CNTLN: variants seen among roughly 807,000 people sequenced by gnomAD.
The protein encoded by CNTLN is centlein, centrosomal protein.
In CNTLN, 212 loss-of-function variants were observed where a neutral mutation model predicts 180.0. The ratio of observed to expected loss-of-function variants is 1.18; its 90% CI spans 1.05 to 1.32. The LOEUF (loss-of-function observed/expected upper bound fraction) is 1.32, where lower values mean the gene tolerates loss of function less well. CNTLN is among the 40% of genes most tolerant of loss of function. The probability of loss-of-function intolerance (pLI) is 0.00; values close to 1 mark genes in which losing one functional copy is unlikely to be tolerated. For missense variants in CNTLN, 2,095 were observed against 1,610.9 expected, an observed-to-expected ratio of 1.30 and a Z score of -5.14; for synonymous variants, 722 against 563.1, an observed-to-expected ratio of 1.28 and a Z score of -3.99.
At chr9:17,465,642 G>C (rs775250160) in intron 21 of CNTLN, among the ~76,000 whole-genome samples, 2 of 150,460 alleles carry the variant, frequency 1.3e-5, no homozygotes, top group Non-Finnish European at 3.0e-5. Flanking sequence ...CCTTTAACTT[G>C]GCTTGTTTCA....
intron 2 of CNTLN, among the ~76,000 whole-genome samples, chr9:17,205,683 G>C (rs1822868988): frequency 6.6e-6 from 1 of 152,198 alleles, no homozygotes; most frequent in Non-Finnish European, 1.5e-5. Flanking sequence ...GTAGCAAATG[G>C]CCTTACTACT....
At chr9:17,354,171 G>A (rs113743173) in intron 12 of CNTLN, among the ~76,000 whole-genome samples, 14 of 152,284 alleles carry the variant, frequency 9.2e-5, no homozygotes, top group African/African-American at 3.4e-4. Context: ...GTGCCTTCCC[G>A]CCGGGCAGGG....
At chr9:17,171,365 G>A (rs774373998) in intron 2 of CNTLN, among the ~76,000 whole-genome samples, 11 of 151,938 alleles carry the variant, frequency 7.2e-5, no homozygotes, top group Non-Finnish European at 1.3e-4. Flanking sequence ...TGGATGAGGT[G>A]CCATGGTTCC....
At chr9:17,493,701 C>G (rs909323386) in intron 25 of CNTLN, among the ~76,000 whole-genome samples, 7 of 152,150 alleles carry the variant, frequency 4.6e-5, no homozygotes, top group African/African-American at 1.7e-4. Context: ...GTAATAAAAT[C>G]AAAACTCCAT....
At chr9:17,479,080 G>A (rs1007673065) in intron 23 of CNTLN, among the ~76,000 whole-genome samples, 7 of 152,270 alleles carry the variant, frequency 4.6e-5, no homozygotes, top group Middle Eastern at 3.4e-3. Flanking sequence ...TGGACCCTTT[G>A]TACACTGTTG....
the CNTLN span, among the ~76,000 whole-genome samples, chr9:17,513,748 G>A: frequency 6.6e-6 from 1 of 151,558 alleles, no homozygotes; most frequent in Admixed American, 6.6e-5. Flanking sequence ...AACCTAAATA[G>A]AATAGGAGGA....
chr9:17,277,163 G>T (rs1160855356), intron 6 of CNTLN, among the ~76,000 whole-genome samples: 1 of 92,166 alleles, frequency 1.1e-5, no homozygotes, highest in Admixed American at 1.1e-4. Flanking sequence ...TTGTGCTAAA[G>T]GATATTTTTG....
At chr9:17,382,097 A>G (rs1327207985) in intron 13 of CNTLN, among the ~76,000 whole-genome samples, 2 of 152,244 alleles carry the variant, frequency 1.3e-5, no homozygotes, top group African/African-American at 4.8e-5. Flanking sequence ...ATCTTAAGCC[A>G]GTGAACAAAA....
intron 2 of CNTLN, among the ~76,000 whole-genome samples, chr9:17,159,099 G>T (rs977703186): frequency 6.6e-6 from 1 of 152,054 alleles, no homozygotes; most frequent in Non-Finnish European, 1.5e-5. Flanking sequence ...GAAGTGTGTT[G>T]TTTAATTTCC....
intron 5 of CNTLN, among the ~76,000 whole-genome samples, chr9:17,267,927 T>C (rs929790155): frequency 2.6e-5 from 4 of 152,190 alleles, no homozygotes; most frequent in Admixed American, 6.5e-5. Flanking sequence ...TTGTTCTAGT[T>C]ATCCATTCGT....
chr9:17,398,603 A>G (rs1037782359), intron 15 of CNTLN, among the ~76,000 whole-genome samples: 1 of 152,124 alleles, frequency 6.6e-6, no homozygotes, highest in Admixed American at 6.5e-5. Flanking sequence ...ATTGGTTCCA[A>G]CTGATTTCAG....
chr9:17,241,841 T>C (rs905280802), intron 5 of CNTLN, among the ~76,000 whole-genome samples: 1 of 152,212 alleles, frequency 6.6e-6, no homozygotes, highest in Non-Finnish European at 1.5e-5. Flanking sequence ...TCTTAATTTT[T>C]TTCAGATTGT....
At chr9:17,173,584 C>T (rs192460789) in intron 2 of CNTLN, among the ~76,000 whole-genome samples, 2 of 152,042 alleles carry the variant, frequency 1.3e-5, no homozygotes, top group Non-Finnish European at 2.9e-5. Flanking sequence ...CATTCTTATT[C>T]CTGATTTTTT....
chr9:17,310,281 T>C (rs1248842632), intron 8 of CNTLN, among the ~76,000 whole-genome samples: 1 of 152,148 alleles, frequency 6.6e-6, no homozygotes, highest in Non-Finnish European at 1.5e-5. Flanking sequence ...CATATACAAA[T>C]TTATGAGGAA....
chr9:17,142,205 C>G lies in CNTLN; in HGVS notation c.361-1083C>G, dbSNP rs192852177. On this transcript the variant is annotated intron_variant, in intron 1 of 25. Coordinates refer to ENST00000380647, the MANE Select transcript of CNTLN (RefSeq NM_017738.4). ...AGCCCAGGATGGCTTTGAATGCGGC[C>G]TAACACAAATTCTTAAACTTTCTTA... is the stretch of plus-strand genomic sequence containing the variant. Among the ~76,000 whole-genome samples the G allele has an allele frequency of 4.6e-5, 7 of 152,128 alleles. No individual in the cohort carries two copies. The East Asian group carries it at 1.2e-3, about 25-fold the overall frequency.
chr9:17,235,405 T>G (rs1825078583), intron 3 of CNTLN, among the ~76,000 whole-genome samples: 1 of 152,092 alleles, frequency 6.6e-6, no homozygotes, highest in Non-Finnish European at 1.5e-5. Flanking sequence ...ATTTTGAAAA[T>G]TTGCTTTCTG....
At chr9:17,349,068 A>G (rs1308364112) in intron 12 of CNTLN, among the ~76,000 whole-genome samples, 1 of 152,122 alleles carries the variant, frequency 6.6e-6, no homozygotes, top group East Asian at 1.9e-4. Context: ...GTAGGAGGAA[A>G]GAAGAAAACT....
chr9:17,153,995 C>T (rs1819081633), intron 2 of CNTLN, among the ~76,000 whole-genome samples: 1 of 152,088 alleles, frequency 6.6e-6, no homozygotes, highest in Non-Finnish European at 1.5e-5. Context: ...CTGTGTTTTT[C>T]AGCTCTGTCA....
At chr9:17,163,060 G>T (rs977824627) in intron 2 of CNTLN, among the ~76,000 whole-genome samples, 2 of 152,182 alleles carry the variant, frequency 1.3e-5, no homozygotes, top group Non-Finnish European at 2.9e-5. Flanking sequence ...GAAGGTGAAC[G>T]AGGAGCAAAG....
Sources: allele counts gnomAD v4.1 joint callset (sites outside exome capture counted in the v4.1 genomes callset), GRCh38; gene constraint gnomAD v4.1.1; transcripts MANE v1.5; gene names NCBI Gene and HGNC (gene_info 2026-07-23, HGNC 2026-07-21).